Variants in BMAL2 observed in about 807,000 individuals in gnomAD.
BMAL2 encodes the protein basic helix-loop-helix ARNT-like protein 2.
At chr12:27,387,051 T>C in the BMAL2 span, among the ~76,000 whole-genome samples, 1 of 151,082 alleles carries the variant, frequency 6.6e-6, no homozygotes, top group East Asian at 1.9e-4. Flanking sequence ...TGACACTCTT[T>C]ATAAATCTGT....
the BMAL2 span, chr12:27,368,150 G>GTTTTTTTTTTTTTTTTTTTTTTTTTTT: frequency 7.3e-7 from 1 of 1,364,758 alleles, no homozygotes; most frequent in Non-Finnish European, 1.0e-6. Flanking sequence ...GCCTTAGCTG[G>GTTTTTTTTTTTTTTTTTTTTTTTTTTT]TATTTTTTAA....
At chr12:27,392,333 T>A in the BMAL2 span, among the ~76,000 whole-genome samples, 1 of 152,148 alleles carries the variant, frequency 6.6e-6, no homozygotes, top group Admixed American at 6.5e-5. Flanking sequence ...ACAAACACTA[T>A]TGGAAATAGT....
At chr12:27,335,480 A>G in the BMAL2 span, among the ~76,000 whole-genome samples, 4 of 152,020 alleles carry the variant, frequency 2.6e-5, no homozygotes, top group African/African-American at 9.7e-5. Context: ...TCATGTTTTC[A>G]CCTATGATAG....
At chr12:27,392,275 G>A in the BMAL2 span, among the ~76,000 whole-genome samples, 2 of 152,110 alleles carry the variant, frequency 1.3e-5, no homozygotes, top group Admixed American at 6.6e-5. Flanking sequence ...TACACATCAC[G>A]TGCTTAGCCT....
the BMAL2 span, chr12:27,376,285 T>C: frequency 7.1e-7 from 1 of 1,418,230 alleles, no homozygotes; most frequent in Admixed American, 1.7e-5. Flanking sequence ...TCTATTTCTC[T>C]ATCAAGAACT....
At chr12:27,356,461 C>G in the BMAL2 span, among the ~76,000 whole-genome samples, 3 of 152,162 alleles carry the variant, frequency 2.0e-5, no homozygotes, top group Admixed American at 2.0e-4. Context: ...GATCTCACAT[C>G]AGTTTTACGC....
the BMAL2 span, chr12:27,389,256 T>C: frequency 1.9e-6 from 3 of 1,611,888 alleles, no homozygotes; most frequent in Non-Finnish European, 1.7e-6. Context: ...AACTTTCTTC[T>C]TTTGATATTT....
the BMAL2 span, among the ~76,000 whole-genome samples, chr12:27,373,020 G>A: frequency 6.6e-6 from 1 of 152,156 alleles, no homozygotes; most frequent in Non-Finnish European, 1.5e-5. Flanking sequence ...CTGGTAGGAG[G>A]GAGTGGTACA....
At chr12:27,382,896 T>A in the BMAL2 span, among the ~76,000 whole-genome samples, 1 of 152,168 alleles carries the variant, frequency 6.6e-6, no homozygotes, top group Non-Finnish European at 1.5e-5. Context: ...ATACAGTTAA[T>A]TATGGAAAAA....
the BMAL2 span, among the ~76,000 whole-genome samples, chr12:27,348,202 C>G: frequency 6.6e-6 from 1 of 152,346 alleles, no homozygotes; most frequent in African/African-American, 2.4e-5. Flanking sequence ...CCCTATAACT[C>G]TGCCTTGGGC....
At chr12:27,397,643 C>T in the BMAL2 span, among the ~76,000 whole-genome samples, 591 of 152,230 alleles carry the variant, frequency 3.9e-3, 2 homozygotes, top group African/African-American at 0.013. Flanking sequence ...ATAACATTGA[C>T]ATTTTAAAAA....
At chr12:27,420,341 A>G in the BMAL2 span, 10 of 1,596,520 alleles carry the variant, frequency 6.3e-6, no homozygotes, top group Non-Finnish European at 8.5e-6. Flanking sequence ...AATGTGTGAA[A>G]TGTATGACTT....
the BMAL2 span, among the ~76,000 whole-genome samples, chr12:27,349,730 C>G: frequency 6.6e-6 from 1 of 152,184 alleles, no homozygotes; most frequent in African/African-American, 2.4e-5. Context: ...ACATTTATCT[C>G]AGTGTTTTCT....
chr12:27,419,428 G>T, the BMAL2 span, among the ~76,000 whole-genome samples: 1 of 152,144 alleles, frequency 6.6e-6, no homozygotes, highest in South Asian at 2.1e-4. Flanking sequence ...CAAGATGTGG[G>T]AAAACTCACT....
At chr12:27,396,754 C>G in the BMAL2 span, among the ~76,000 whole-genome samples, 3 of 152,194 alleles carry the variant, frequency 2.0e-5, no homozygotes, top group Non-Finnish European at 4.4e-5. Flanking sequence ...ACTTAACACA[C>G]TAGAGGTCTG....
the BMAL2 span, among the ~76,000 whole-genome samples, chr12:27,372,516 A>G: frequency 2.1e-4 from 32 of 152,148 alleles, no homozygotes; most frequent in Non-Finnish European, 3.2e-4. Flanking sequence ...TTTCAGATAC[A>G]TGCCTAGGAG....
chr12:27,407,042 A>G, the BMAL2 span, among the ~76,000 whole-genome samples: 2 of 152,234 alleles, frequency 1.3e-5, no homozygotes, highest in Admixed American at 1.3e-4. Context: ...AGAAGAGCTA[A>G]CTACCCTAAA....
At chr12:27,406,884 A>G in the BMAL2 span, among the ~76,000 whole-genome samples, 5 of 152,240 alleles carry the variant, frequency 3.3e-5, no homozygotes, top group Non-Finnish European at 5.9e-5. Context: ...CTCACAATAA[A>G]GGGATGGAGG....
chr12:27,333,718 C>T, the BMAL2 span, among the ~76,000 whole-genome samples: 1 of 152,224 alleles, frequency 6.6e-6, no homozygotes, highest in African/African-American at 2.4e-5. Context: ...CCTCCATAAG[C>T]GACAGGCGGC....
Sources: gnomAD v4.1 joint callset for allele counts (sites outside exome capture counted in the v4.1 genomes callset) on GRCh38, gnomAD v4.1.1 for gene constraint, MANE v1.5 for transcripts, NCBI Gene and HGNC (gene_info 2026-07-23, HGNC 2026-07-21) for gene names.